The following GALNT17 variants were observed in gnomAD, a reference collection of about 807,000 sequenced individuals.
GALNT17 encodes the protein UDP-GalNAc:polypeptide N-acetylgalactosaminyltransferase-like 3.
GALNT17 carries 29 observed loss-of-function variants against 63.7 expected under a neutral mutation model. The observed-to-expected ratio is 0.46, with a 90% confidence interval of 0.34 to 0.62. GALNT17 has a LOEUF of 0.62. GALNT17 is among the 20% of genes least tolerant of loss of function. The probability of loss-of-function intolerance (pLI) is 0.01; values close to 1 mark genes in which losing one functional copy is unlikely to be tolerated. For synonymous variants in GALNT17, 305 were observed against 318.3 expected (o/e 0.96, Z 0.45); for missense variants, 603 against 799.6 (o/e 0.75, Z 2.97).
chr7:71,340,186 G>T (rs1448554326), intron 2 of GALNT17, among the ~76,000 whole-genome samples: 1 of 152,190 alleles, frequency 6.6e-6, no homozygotes, highest in Non-Finnish European at 1.5e-5. Flanking sequence ...AGAAGGGATG[G>T]TTAGCAGTTA....
chr7:71,632,304 T>C (rs1397510868), intron 6 of GALNT17, among the ~76,000 whole-genome samples: 1 of 152,158 alleles, frequency 6.6e-6, no homozygotes, highest in African/African-American at 2.4e-5. Flanking sequence ...CCGGGAGCAC[T>C]GGGATCTGCC....
intron 5 of GALNT17, among the ~76,000 whole-genome samples, chr7:71,472,555 G>A (rs1420490410): frequency 2.6e-5 from 4 of 152,090 alleles, no homozygotes; most frequent in East Asian, 1.9e-4. Context: ...GTGTGATGGC[G>A]TGCGCCTGTA....
chr7:71,291,199 G>A (rs1354020230), intron 1 of GALNT17, among the ~76,000 whole-genome samples: 9 of 152,074 alleles, frequency 5.9e-5, no homozygotes, highest in Non-Finnish European at 1.0e-4. Context: ...CACCTTTTAC[G>A]AAATAGCAGA....
rs902104921 is a variant in GALNT17 at position 71,376,575 on chromosome 7, GTGTC to G, written c.423-11652_423-11649del. Among the ~76,000 whole-genome samples the G allele has an allele frequency of 2.3e-4, 34 of 145,596 alleles. No individual in the cohort carries two copies. In the South Asian group the frequency reaches 3.3e-3, roughly 14 times the overall value. ...TGCGAGTGTGTGTGTATGTGTGTGTGTGTCTGTCTGTGTGTCTTTTCTTCCCTTT... is the reference window on the plus strand; with the variant it reads ...TGCGAGTGTGTGTGTATGTGTGTGTGTGTCTGTGTGTCTTTTCTTCCCTTT... On this transcript the variant is annotated intron_variant, in intron 2 of 10. Coordinates refer to ENST00000333538, the MANE Select transcript of GALNT17 (RefSeq NM_022479.3).
intron 2 of GALNT17, among the ~76,000 whole-genome samples, chr7:71,341,208 A>G (rs1220149604): frequency 6.6e-6 from 1 of 152,204 alleles, no homozygotes; most frequent in Non-Finnish European, 1.5e-5. Flanking sequence ...TTAAACGGAG[A>G]TAAGTAATTT....
intron 5 of GALNT17, among the ~76,000 whole-genome samples, chr7:71,437,557 C>T (rs950633667): frequency 6.6e-6 from 1 of 152,164 alleles, no homozygotes; most frequent in East Asian, 1.9e-4. Flanking sequence ...CGTGGCCGTC[C>T]ACAGCTGACT....
chr7:71,168,526 C>G (rs890791030), intron 1 of GALNT17, among the ~76,000 whole-genome samples: 1 of 151,836 alleles, frequency 6.6e-6, no homozygotes, highest in Admixed American at 6.6e-5. Context: ...GAACCGAGAT[C>G]GCACCATTGC....
intron 5 of GALNT17, among the ~76,000 whole-genome samples, chr7:71,522,726 G>A (rs924793134): frequency 7.2e-5 from 11 of 152,144 alleles, no homozygotes; most frequent in African/African-American, 2.7e-4. Flanking sequence ...GCAAGGCTTG[G>A]TTTTCAAGCC....
chr7:71,215,016 A>G (rs10262169), intron 1 of GALNT17, among the ~76,000 whole-genome samples: 3,674 of 152,318 alleles, frequency 0.024, 58 homozygotes, highest in African/African-American at 0.05. Context: ...TGCAGAACCA[A>G]TTCTGTTTTG....
At chr7:71,370,761 G>A (rs938516316) in intron 2 of GALNT17, among the ~76,000 whole-genome samples, 3 of 151,472 alleles carry the variant, frequency 2.0e-5, no homozygotes, top group Admixed American at 6.6e-5. Flanking sequence ...AGCCACCACC[G>A]CGCCTGGCCC....
At chr7:71,279,477 C>CCTT (rs1304544294) in intron 1 of GALNT17, among the ~76,000 whole-genome samples, 1 of 151,934 alleles carries the variant, frequency 6.6e-6, no homozygotes, top group African/African-American at 2.4e-5. Context: ...ACCGTATCAA[C>CCTT]CTTCTTCCCT....
chr7:71,359,578 T>G (rs1408737629), intron 2 of GALNT17, among the ~76,000 whole-genome samples: 6 of 149,378 alleles, frequency 4.0e-5, no homozygotes, highest in Non-Finnish European at 8.9e-5. Flanking sequence ...ATATAACTAC[T>G]GCAGTGGGTA....
rs934589280 is a variant in GALNT17 at position 71,298,107 on chromosome 7, G to A, written c.239-37443G>A. ...ACAATCTTGGCTTACTGCAACCTCC[G>A]CCTCCCAAGCTTAAGTGATTCTCCT... is the stretch of plus-strand genomic sequence containing the variant. On this transcript the variant is annotated intron_variant, in intron 1 of 10. Transcript: ENST00000333538. 3.3e-5 allele frequency among the ~76,000 whole-genome samples: 5 copies of A among 152,070 alleles called. No homozygotes were observed. In the East Asian group the frequency reaches 7.7e-4, roughly 24 times the overall value.
intron 1 of GALNT17, among the ~76,000 whole-genome samples, chr7:71,237,515 A>G (rs1789915374): frequency 6.7e-6 from 1 of 149,440 alleles, no homozygotes; most frequent in South Asian, 2.1e-4. Flanking sequence ...ATCTCTGAAA[A>G]AAAAAAAAAA....
At chr7:71,687,784 G>C (rs11771277) in intron 9 of GALNT17, among the ~76,000 whole-genome samples, 68,986 of 151,988 alleles carry the variant, frequency 0.45, 18,745 homozygotes, top group Middle Eastern at 0.61. Flanking sequence ...TGTCACCCAG[G>C]CTGGAGTGCG....
At chr7:71,626,622 A>G (rs566489395) in intron 6 of GALNT17, among the ~76,000 whole-genome samples, 2 of 152,342 alleles carry the variant, frequency 1.3e-5, no homozygotes, top group Non-Finnish European at 2.9e-5. Flanking sequence ...CTGGAAGAAT[A>G]CACCATCTGG....
intron 9 of GALNT17, among the ~76,000 whole-genome samples, chr7:71,697,495 C>T (rs952181823): frequency 8.6e-5 from 13 of 151,996 alleles, no homozygotes; most frequent in Admixed American, 7.2e-4. Context: ...ACTCTGGGTG[C>T]GTAACAGGGA....
chr7:71,676,769 G>C (rs538936797), intron 8 of GALNT17, among the ~76,000 whole-genome samples: 47 of 152,112 alleles, frequency 3.1e-4, no homozygotes, highest in Non-Finnish European at 6.3e-4. Context: ...ACCAATGTCG[G>C]TGCTGAGGCC....
intron 9 of GALNT17, among the ~76,000 whole-genome samples, chr7:71,698,982 G>A (rs985812689): frequency 1.3e-5 from 2 of 151,456 alleles, no homozygotes; most frequent in African/African-American, 4.9e-5. Context: ...GACCAGCCTG[G>A]GCAACATGGT....
Sources: gnomAD v4.1 joint callset for allele counts (sites outside exome capture counted in the v4.1 genomes callset) on GRCh38, gnomAD v4.1.1 for gene constraint, MANE v1.5 for transcripts, NCBI Gene and HGNC (gene_info 2026-07-23, HGNC 2026-07-21) for gene names.